The following PLCB4 variants were observed in gnomAD, a reference collection of about 807,000 sequenced individuals.
PLCB4 encodes phospholipase C beta 4.
PLCB4 carries 77 observed loss-of-function variants against 178.8 expected under a neutral mutation model. The ratio of observed to expected loss-of-function variants is 0.43; its 90% CI spans 0.36 to 0.52. PLCB4 has a LOEUF of 0.52. PLCB4 is among the 20% of genes least tolerant of loss of function. The pLI is 0.00. For missense variants in PLCB4, 1,024 were observed against 1,453.4 expected, an observed-to-expected ratio of 0.70 and a Z score of 4.80; for synonymous variants, 496 against 490.8, an observed-to-expected ratio of 1.01 and a Z score of -0.14.
chr20:9,222,213 C>G (rs1461261223), intron 3 of PLCB4, among the ~76,000 whole-genome samples: 8 of 151,950 alleles, frequency 5.3e-5, no homozygotes, highest in Non-Finnish European at 1.2e-4. Flanking sequence ...CCTCAACCTC[C>G]TAAGAGGCTG....
intron 2 of PLCB4, among the ~76,000 whole-genome samples, chr20:9,118,145 T>C (rs2091843002): frequency 6.6e-6 from 1 of 151,658 alleles, no homozygotes; most frequent in Non-Finnish European, 1.5e-5. Context: ...TATGTATACA[T>C]GTGCCGTGCT....
chr20:9,086,575 A>C (rs1310137377), intron 1 of PLCB4, among the ~76,000 whole-genome samples: 1 of 152,206 alleles, frequency 6.6e-6, no homozygotes, highest in Admixed American at 6.5e-5. Flanking sequence ...TCAGGGCCAC[A>C]TAACTAGCAA....
At chr20:9,469,216 A>G (rs905576149) in intron 36 of PLCB4, among the ~76,000 whole-genome samples, 1 of 152,096 alleles carries the variant, frequency 6.6e-6, no homozygotes, top group Non-Finnish European at 1.5e-5. Flanking sequence ...CCTGACCTCA[A>G]GTGATCTGCC....
At chr20:9,293,656 T>G (rs2094603659) in intron 3 of PLCB4, among the ~76,000 whole-genome samples, 2 of 152,174 alleles carry the variant, frequency 1.3e-5, no homozygotes, top group South Asian at 4.1e-4. Context: ...CATTCATTGT[T>G]TACTGCTATA....
At chr20:9,356,680 C>T (rs2052296555) in intron 7 of PLCB4, among the ~76,000 whole-genome samples, 1 of 152,112 alleles carries the variant, frequency 6.6e-6, no homozygotes, top group South Asian at 2.1e-4. Flanking sequence ...ATTCACAGTG[C>T]CAAGGAGTCA....
In PLCB4 at chr20:9,337,133, T is replaced by C. The variant is rs1281633866; in HGVS notation, c.92T>C (p.Phe31Ser). ...CACATTTCTTTTTGACAGGAATCCT[T>C]TGTGTTTGAACCCAACTGCCTCTTC... is the stretch of plus-strand genomic sequence containing the variant. Reference protein sequence around the residue: ...AVFDRYEEESFVFEPNCLFKV... With the variant: ...AVFDRYEEESSVFEPNCLFKV... Residue 31 changes from phenylalanine to serine, a missense_variant, in exon 5 of 40, where the codon TTT (phenylalanine) becomes TCT (serine). Phe to Ser is a radical substitution (Grantham distance 155, BLOSUM62 -2). Coordinates refer to ENST00000378473, the MANE Select transcript of PLCB4 (RefSeq NM_001377142.1). 2 of 1,610,676 alleles carry C rather than the reference T, an allele frequency of 1.2e-6. No homozygotes were observed. The highest frequency in any genetic ancestry group is 1.7e-6 in the Non-Finnish European group (2 of 1,177,040).
intron 3 of PLCB4, among the ~76,000 whole-genome samples, chr20:9,250,554 T>G (rs2094169745): frequency 1.3e-5 from 2 of 152,254 alleles, no homozygotes. Flanking sequence ...TTGTTACACA[T>G]CCAGGAAGTG....
chr20:9,213,128 C>CTTT (rs56785951), intron 2 of PLCB4, among the ~76,000 whole-genome samples: 7 of 35,724 alleles, frequency 2.0e-4, no homozygotes, highest in East Asian at 8.1e-4. Context: ...CGTTAGCATA[C>CTTT]TTTTTTTTTT....
In PLCB4 at chr20:9,190,035, C is replaced by T. The variant is rs564900954; in HGVS notation, c.-78-27355C>T. 1.6e-3 allele frequency among the ~76,000 whole-genome samples: 251 copies of T among 152,284 alleles called. 1 individual carries two copies. Among genetic ancestry groups the T allele is most frequent in the Non-Finnish European group, 9.4e-4 (64 of 68,022 alleles). On this transcript the variant is annotated intron_variant, in intron 2 of 39. Transcript: ENST00000378473. ...TGGCAAATGTCCTCGGAGGCACAAACTCACATTTGGTTGAGAACCACTGCT... is the reference window on the plus strand; with the variant it reads ...TGGCAAATGTCCTCGGAGGCACAAATTCACATTTGGTTGAGAACCACTGCT...
intron 7 of PLCB4, among the ~76,000 whole-genome samples, chr20:9,359,337 A>T (rs2035118381): frequency 6.6e-6 from 1 of 152,204 alleles, no homozygotes; most frequent in Non-Finnish European, 1.5e-5. Flanking sequence ...CAAAAGCTCC[A>T]GGAGAGAATT....
At chr20:9,387,606 A>G (rs770247932) in intron 15 of PLCB4, 50 bp downstream of exon 15, 2 of 840,480 alleles carry the variant, frequency 2.4e-6, no homozygotes, top group Admixed American at 4.2e-5. Context: ...GTGAAAATGC[A>G]GGAAATAGGG....
At chr20:9,156,682 A>G (rs1000025087) in intron 2 of PLCB4, among the ~76,000 whole-genome samples, 13 of 152,162 alleles carry the variant, frequency 8.5e-5, no homozygotes, top group African/African-American at 1.9e-4. Flanking sequence ...TTTCAGGTAC[A>G]TTTGACATTC....
chr20:9,308,702 T>C (rs1443504864), intron 4 of PLCB4, among the ~76,000 whole-genome samples: 1 of 152,210 alleles, frequency 6.6e-6, no homozygotes, highest in Non-Finnish European at 1.5e-5. Context: ...ATGCAGAAAC[T>C]AGGTCTTCTG....
chr20:9,118,970 T>G (rs942883391), intron 2 of PLCB4, among the ~76,000 whole-genome samples: 3 of 152,148 alleles, frequency 2.0e-5, no homozygotes, highest in African/African-American at 4.8e-5. Flanking sequence ...TCTTAAGATA[T>G]CGGAAGTCTG....
intron 35 of PLCB4, among the ~76,000 whole-genome samples, chr20:9,466,556 G>C (rs1000452230): frequency 6.6e-6 from 1 of 152,048 alleles, no homozygotes; most frequent in Non-Finnish European, 1.5e-5. Flanking sequence ...CTAATATCCA[G>C]AATCTACAAA....
At chr20:9,445,586 C>G (rs1235390560) in intron 32 of PLCB4, among the ~76,000 whole-genome samples, 1 of 152,122 alleles carries the variant, frequency 6.6e-6, no homozygotes, top group African/African-American at 2.4e-5. Flanking sequence ...TAATCTTATC[C>G]TAGTAATGTT....
intron 3 of PLCB4, among the ~76,000 whole-genome samples, chr20:9,243,328 T>G (rs2094087545): frequency 6.6e-6 from 1 of 152,154 alleles, no homozygotes; most frequent in Non-Finnish European, 1.5e-5. Context: ...TGCTGAGCTG[T>G]TCTTCATGAA....
intron 2 of PLCB4, among the ~76,000 whole-genome samples, chr20:9,184,356 G>A (rs1174468841): frequency 6.6e-6 from 1 of 151,992 alleles, no homozygotes; most frequent in African/African-American, 2.4e-5. Context: ...GTGGTTTTTT[G>A]GTGAATGTTT....
intron 4 of PLCB4, among the ~76,000 whole-genome samples, chr20:9,328,604 G>A (rs8121854): frequency 2.0e-5 from 3 of 152,192 alleles, no homozygotes; most frequent in Non-Finnish European, 2.9e-5. Flanking sequence ...TACCTGAGCC[G>A]ACTGCTGAGC....
Sources: gnomAD v4.1 joint callset for allele counts (sites outside exome capture counted in the v4.1 genomes callset) on GRCh38, gnomAD v4.1.1 for gene constraint, MANE v1.5 for transcripts, NCBI Gene and HGNC (gene_info 2026-07-23, HGNC 2026-07-21) for gene names.